Variants in RASA3 observed in about 807,000 individuals in gnomAD.
RASA3 encodes the protein ras GTPase-activating protein 3.
Under a neutral mutation model 110.0 loss-of-function variants are expected in RASA3, and 73 were observed. The observed-to-expected ratio is 0.66, with a 90% CI of 0.55 to 0.81. RASA3 has a LOEUF of 0.81. RASA3 is among the 30% of genes least tolerant of loss of function. The pLI is 0.00. For missense variants in RASA3, 976 were observed against 1,113.2 expected (o/e 0.88, Z 1.75); for synonymous variants, 500 against 451.4 (o/e 1.11, Z -1.37).
At chr13:114,100,453 G>A (rs900063511) in intron 1 of RASA3, among the ~76,000 whole-genome samples, 2 of 152,240 alleles carry the variant, frequency 1.3e-5, no homozygotes, top group Admixed American at 6.5e-5. Flanking sequence ...GGTCCTGGAG[G>A]CAGGGCTCTG....
Position 114,056,371 on chromosome 13 carries a change from C to T in RASA3, c.174-4216G>A, listed in dbSNP as rs1277594686. 1 of 890,198 alleles carries T rather than the reference C, an allele frequency of 1.1e-6. No individual in the cohort carries two copies. Among genetic ancestry groups the T allele is most frequent in the Admixed American group, 6.2e-5 (1 of 16,160 alleles). The allele number at this position is 890,198 out of a possible 1,614,324, so 55.1% of individuals were successfully genotyped here. A position where few individuals can be genotyped will look rare whatever the true frequency, so the allele number is the denominator to read the frequency against. ...CCACAAACGGGCGCCGCGCACCTGGCATTTAACCCTGCACACTTCCTCACC... is the reference window on the plus strand; with the variant it reads ...CCACAAACGGGCGCCGCGCACCTGGTATTTAACCCTGCACACTTCCTCACC... On this transcript the variant is annotated intron_variant, in intron 2 of 23. Coordinates refer to ENST00000334062, the MANE Select transcript of RASA3 (RefSeq NM_007368.4). The surrounding 1 kb of genome is among the most constrained non-coding windows in gnomAD (Gnocchi z 5.7).
At chr13:114,103,404 C>T (rs916670350) in intron 1 of RASA3, among the ~76,000 whole-genome samples, 2 of 152,092 alleles carry the variant, frequency 1.3e-5, no homozygotes, top group Non-Finnish European at 2.9e-5. Flanking sequence ...ACACACACTA[C>T]ATCCAAAGGG....
intron 1 of RASA3, among the ~76,000 whole-genome samples, chr13:114,123,709 G>T (rs570886791): frequency 6.6e-6 from 1 of 152,354 alleles, no homozygotes; most frequent in East Asian, 1.9e-4. Context: ...TGAGGACTCT[G>T]GCCCATCCTG....
chr13:114,021,543 G>A (rs2053927235), intron 8 of RASA3, 35 bp from the exon 9 acceptor site: 2 of 1,582,666 alleles, frequency 1.3e-6, no homozygotes, highest in Admixed American at 1.7e-5. Flanking sequence ...CTAGCTGACG[G>A]CGGGCAGCCC....
At chr13:114,079,596 C>T (rs2079748228) in intron 1 of RASA3, among the ~76,000 whole-genome samples, 1 of 152,198 alleles carries the variant, frequency 6.6e-6, no homozygotes, top group South Asian at 2.1e-4. Context: ...ATTTAGAAGC[C>T]TGGAACAGCG....
intron 1 of RASA3, among the ~76,000 whole-genome samples, chr13:114,127,509 AAC>A (rs1279793158): frequency 1.2e-4 from 19 of 152,266 alleles, no homozygotes; most frequent in African/African-American, 4.3e-4. Flanking sequence ...TCCCTGCCTG[AAC>A]ACTGCCTGCC....
At chr13:114,034,573 GCTTT>G (rs2054245136) in intron 4 of RASA3, among the ~76,000 whole-genome samples, 1 of 152,236 alleles carries the variant, frequency 6.6e-6, no homozygotes, top group African/African-American at 2.4e-5. Context: ...TGACTTGTGT[GCTTT>G]CGTCTTCTGC....
intron 2 of RASA3, among the ~76,000 whole-genome samples, chr13:114,068,602 C>T (rs1000228876): frequency 2.6e-5 from 4 of 152,286 alleles, no homozygotes; most frequent in South Asian, 2.1e-4. Context: ...GTTTTAGGGT[C>T]GTGGGTGCCG....
intron 4 of RASA3, among the ~76,000 whole-genome samples, 171 bp from the exon 5 acceptor site, chr13:114,030,058 G>C (rs1220882210): frequency 1.3e-5 from 2 of 152,252 alleles, no homozygotes; most frequent in East Asian, 1.9e-4. Context: ...CAGGGTCCCA[G>C]CTGTGGCCTT....
Position 113,999,602 on chromosome 13 carries a change from A to T in RASA3, c.1915T>A (p.Ser639Thr). ...ACACTCACGTTTTTCATTTTGAAAG[A>T]CTCCTCCTCCAGCTTCTCCACTGCC... ...ILAVEKLEEE[S>T]FKMKNMFQVI... The change falls in exon 20 of 24, where the codon TCT (serine) becomes ACT (threonine). Residue 639 changes from serine (S) to threonine (T), a missense_variant. Ser to Thr is a moderately conservative substitution (Grantham distance 58). Around this residue, in one of 4 missense-constraint regions of RASA3, gnomAD observed 109 missense variants for 162.5 expected, o/e 0.67. Transcript: ENST00000334062. 1 of 1,610,920 alleles carries T rather than the reference A, an allele frequency of 6.2e-7. No homozygotes were observed. The highest frequency in any genetic ancestry group is 8.5e-7 in the Non-Finnish European group (1 of 1,179,028).
chr13:114,119,524 TC>T (rs1483598865), intron 1 of RASA3, among the ~76,000 whole-genome samples: 12 of 21,180 alleles, frequency 5.7e-4, no homozygotes, highest in East Asian at 1.4e-3. Context: ...AGTGCCCCCC[TC>T]CCCTCTCCAG....
chr13:114,020,280 G>A (rs1367992902), intron 9 of RASA3, among the ~76,000 whole-genome samples: 2 of 152,124 alleles, frequency 1.3e-5, no homozygotes, highest in African/African-American at 4.8e-5. Flanking sequence ...GGTCAGGTGG[G>A]TGGAGCCTGT....
chr13:114,042,738 C>T (rs114037394), intron 3 of RASA3, among the ~76,000 whole-genome samples: 2 of 152,224 alleles, frequency 1.3e-5, no homozygotes, highest in Non-Finnish European at 2.9e-5. Context: ...AGGCTCCCAT[C>T]GGAACAACCC....
At chr13:113,992,109 T>G (rs921969420) in intron 22 of RASA3, among the ~76,000 whole-genome samples, 1 of 152,178 alleles carries the variant, frequency 6.6e-6, no homozygotes, top group East Asian at 1.9e-4. Flanking sequence ...CCTACACATA[T>G]GCACACATCT....
Position 114,110,454 on chromosome 13 carries a change from C to T in RASA3, c.55+21981G>A, listed in dbSNP as rs141709345. Among the ~76,000 whole-genome samples the T allele has an allele frequency of 6.9e-4, 105 of 152,364 alleles. 2 individuals are homozygous for T. The East Asian group carries it at 0.017, about 25-fold the overall frequency. On this transcript the variant is annotated intron_variant, in intron 1 of 23. Transcript: ENST00000334062. ...AATGGATACAGTCCGGCTCACTGGA[C>T]GGCACCGTGCCTGCGGCTGCTTCCC...
chr13:113,997,694 G>T (rs1360941969), intron 20 of RASA3, among the ~76,000 whole-genome samples: 1 of 152,186 alleles, frequency 6.6e-6, no homozygotes, highest in Non-Finnish European at 1.5e-5. Context: ...CAGAAGACAG[G>T]TTTTCTGAGT....
intron 1 of RASA3, among the ~76,000 whole-genome samples, chr13:114,132,034 A>G (rs2080527152): frequency 6.6e-6 from 1 of 152,144 alleles, no homozygotes. Context: ...CCCCGACGTC[A>G]GTGGATTTGA....
At chr13:114,098,900 C>T (rs12873665) in intron 1 of RASA3, among the ~76,000 whole-genome samples, 51,384 of 151,920 alleles carry the variant, frequency 0.34, 10,609 homozygotes, top group Non-Finnish European at 0.48. Flanking sequence ...AGAGTGGCCC[C>T]GCAGGCCAGA....
intron 1 of RASA3, among the ~76,000 whole-genome samples, chr13:114,081,238 C>T (rs983743676): frequency 2.6e-5 from 4 of 152,356 alleles, no homozygotes; most frequent in Non-Finnish European, 5.9e-5. Flanking sequence ...CCACGTCACT[C>T]CAGAGACTCA....
Sources: allele counts gnomAD v4.1 joint callset (sites outside exome capture counted in the v4.1 genomes callset), GRCh38; gene constraint gnomAD v4.1.1; regional missense constraint gnomAD v4.1.1; non-coding constraint Gnocchi (gnomAD v3.1); transcripts MANE v1.5; gene names NCBI Gene and HGNC (gene_info 2026-07-23, HGNC 2026-07-21).